Variants in AP4S1 observed in about 807,000 individuals in gnomAD.
The protein encoded by AP4S1 is AP-4 complex subunit sigma-1.
A neutral mutation model predicts 19.8 loss-of-function variants in AP4S1; 23 were observed. The observed-to-expected ratio is 1.16, with a 90% confidence interval of 0.84 to 1.65. AP4S1 has a LOEUF of 1.65. Among genes scored for constraint, AP4S1 ranks in the 40% most tolerant of loss-of-function variants. The pLI is 0.00. For synonymous variants in AP4S1, 46 were observed against 54.1 expected (o/e 0.85, Z 0.66); for missense variants, 166 against 172.8 (o/e 0.96, Z 0.22).
chr14:31,083,053 G>A (rs1241331156), intron 5 of AP4S1, among the ~76,000 whole-genome samples: 1 of 152,170 alleles, frequency 6.6e-6, no homozygotes, highest in East Asian at 1.9e-4. Flanking sequence ...TGAATCAGAG[G>A]TGAAGGGATA....
intron 4 of AP4S1, among the ~76,000 whole-genome samples, chr14:31,077,861 G>A (rs1475711499): frequency 2.7e-5 from 4 of 149,944 alleles, no homozygotes; most frequent in African/African-American, 7.4e-5. Context: ...TCAACCTCCC[G>A]AGTAGCTGGG....
chr14:31,080,517 A>C (rs1026474423), intron 4 of AP4S1, 56 bp from the exon 5 acceptor site: 1 of 1,428,960 alleles, frequency 7.0e-7, no homozygotes, highest in Non-Finnish European at 9.9e-7. Flanking sequence ...CTCTGCTAAG[A>C]GCAGTGGTCC....
chr14:31,039,422 T>C (rs1884966972), intron 1 of AP4S1, among the ~76,000 whole-genome samples: 1 of 151,898 alleles, frequency 6.6e-6, no homozygotes, highest in Admixed American at 6.6e-5. Context: ...TGGTCTCAGG[T>C]GATCTGCCCG....
intron 1 of AP4S1, among the ~76,000 whole-genome samples, chr14:31,039,335 G>C (rs1431293396): frequency 6.6e-6 from 1 of 151,814 alleles, no homozygotes; most frequent in Non-Finnish European, 1.5e-5. Context: ...ACAGGTGTGA[G>C]CCACCATGCC....
At chr14:31,033,447 T>G (rs1267837711) in intron 1 of AP4S1, among the ~76,000 whole-genome samples, 1 of 151,680 alleles carries the variant, frequency 6.6e-6, no homozygotes, top group African/African-American at 2.4e-5. Context: ...CTCCTGACCT[T>G]GTGATCCACC....
intron 5 of AP4S1, chr14:31,085,176 A>T: frequency 1.7e-6 from 2 of 1,181,168 alleles, no homozygotes; most frequent in Non-Finnish European, 2.1e-6. Flanking sequence ...GATGCCCACC[A>T]GCCCTCACTA....
At chr14:31,026,383 C>G (rs555931926) in intron 1 of AP4S1, 34 of 238,162 alleles carry the variant, frequency 1.4e-4, no homozygotes, top group African/African-American at 7.6e-4. Context: ...TCCATCTGCC[C>G]GTCTCACTCA....
In AP4S1 at chr14:31,025,655, A is replaced by C; in HGVS notation, c.-204A>C. ...GAGCCCCCGCAGACGCCATACTAAAAGCCAAAATGGCTGCCCCGAGGAGGC... is the reference window on the plus strand; with the variant it reads ...GAGCCCCCGCAGACGCCATACTAAACGCCAAAATGGCTGCCCCGAGGAGGC... On this transcript the variant is annotated 5_prime_UTR_variant, in exon 1 of 6. Coordinates refer to ENST00000542754, the MANE Select transcript of AP4S1 (RefSeq NM_001128126.3). 1 of 581,170 alleles carries C rather than the reference A, an allele frequency of 1.7e-6. No individual in the cohort carries two copies. The highest frequency in any genetic ancestry group is 2.9e-6 in the Non-Finnish European group (1 of 342,580). 36.0% of individuals were successfully genotyped at this position (581,170 alleles called of 1,614,324 possible). A position where few individuals can be genotyped will look rare whatever the true frequency, so the allele number is the denominator to read the frequency against.
At chr14:31,044,859 G>A (rs1284486121) in intron 1 of AP4S1, among the ~76,000 whole-genome samples, 3 of 151,842 alleles carry the variant, frequency 2.0e-5, no homozygotes, top group African/African-American at 7.3e-5. Flanking sequence ...AGGTTTGGGG[G>A]CAGACATGAC....
intron 4 of AP4S1, 98 bp downstream of exon 4, chr14:31,073,071 G>T (rs1343388527): frequency 1.0e-6 from 1 of 1,001,822 alleles, no homozygotes; most frequent in South Asian, 1.3e-5. Flanking sequence ...TTAATACAGA[G>T]TTTTAATAAG....
chr14:31,060,129 C>T (rs975033241), intron 1 of AP4S1, among the ~76,000 whole-genome samples: 1 of 150,840 alleles, frequency 6.6e-6, no homozygotes, highest in African/African-American at 2.4e-5. Context: ...CTAGTTGCAG[C>T]AAGGAAATAA....
In AP4S1 at chr14:31,025,716, C is replaced by T; in HGVS notation, c.-143C>T. The T allele has an allele frequency of 1.2e-6, 1 of 839,738 alleles. No homozygotes were observed. The highest frequency in any genetic ancestry group is 1.8e-6 in the Non-Finnish European group (1 of 561,308). 52.0% of individuals were successfully genotyped at this position (839,738 alleles called of 1,614,324 possible). A position where few individuals can be genotyped will look rare whatever the true frequency, so the allele number is the denominator to read the frequency against. ...TAGCCAGTGAAGGTTGGGGAGCAAGCTTATGCGGGAAAGAGGGAGGGGGAC... is the reference window on the plus strand; with the variant it reads ...TAGCCAGTGAAGGTTGGGGAGCAAGTTTATGCGGGAAAGAGGGAGGGGGAC... On this transcript the variant is annotated 5_prime_UTR_variant, in exon 1 of 6. Coordinates refer to ENST00000542754, the MANE Select transcript of AP4S1 (RefSeq NM_001128126.3).
chr14:31,063,851 A>G (rs772958647), intron 1 of AP4S1, among the ~76,000 whole-genome samples: 5 of 152,242 alleles, frequency 3.3e-5, no homozygotes, highest in Non-Finnish European at 5.9e-5. Context: ...AACAATGGCC[A>G]TCTTTGCAAC....
rs1164470913 is a variant in AP4S1 at position 31,096,128 on chromosome 14, TGTCTCTGTACAG to T, written c.*3096_*3107del. 2 of 147,574 alleles carry T rather than the reference TGTCTCTGTACAG, an allele frequency of 1.4e-5. No homozygotes were observed. The highest frequency in any genetic ancestry group is 5.0e-5 in the African/African-American group (2 of 39,884). The allele number at this position is 147,574 out of a possible 1,614,324, so 9.1% of individuals were successfully genotyped here. ...AAAAAAAAAGTAGAAAGCAAGAAAG[TGTCTCTGTACAG>T]GTAGGCATGAAATGAATCCTTCTCT... On this transcript the variant is annotated 3_prime_UTR_variant, in exon 6 of 6. Transcript: ENST00000542754.
At chr14:31,032,540 A>G (rs1181935306) in intron 1 of AP4S1, among the ~76,000 whole-genome samples, 1 of 76,596 alleles carries the variant, frequency 1.3e-5, no homozygotes, top group Non-Finnish European at 2.4e-5. Flanking sequence ...TTTTTTTTTG[A>G]GATGAAGTCT....
chr14:31,048,072 A>C (rs1050253332), intron 1 of AP4S1, among the ~76,000 whole-genome samples: 1 of 151,844 alleles, frequency 6.6e-6, no homozygotes, highest in African/African-American at 2.4e-5. Flanking sequence ...TGTGACATAA[A>C]AGTATAAATA....
In AP4S1 at chr14:31,053,069, T is replaced by A. The variant is rs112934642; in HGVS notation, c.-71-13057T>A. 9.2e-3 allele frequency among the ~76,000 whole-genome samples: 1,392 copies of A among 151,322 alleles called. 18 individuals are homozygous for A. The highest frequency in any genetic ancestry group is 0.032 in the African/African-American group (1,315 of 41,244). On this transcript the variant is annotated intron_variant, in intron 1 of 5. Transcript: ENST00000542754. The stretch of plus-strand genomic sequence containing the variant: ...GATTCTCATGCCTTAGCCTCCCAAG[T>A]AGCTGGGATTATAGGCACCCACCAC...
intron 5 of AP4S1, among the ~76,000 whole-genome samples, chr14:31,082,235 A>G (rs1887674145): frequency 2.6e-5 from 4 of 152,168 alleles, no homozygotes; most frequent in Admixed American, 6.5e-5. Context: ...AGAAGGGACT[A>G]TAGATCCCTT....
chr14:31,049,977 A>G (rs751628150), intron 1 of AP4S1, among the ~76,000 whole-genome samples: 1 of 152,152 alleles, frequency 6.6e-6, no homozygotes, highest in Non-Finnish European at 1.5e-5. Context: ...ACTGGAGTGC[A>G]GTGGCATGAT....
Sources: gnomAD v4.1 joint callset for allele counts (sites outside exome capture counted in the v4.1 genomes callset) on GRCh38, gnomAD v4.1.1 for gene constraint, MANE v1.5 for transcripts, NCBI Gene and HGNC (gene_info 2026-07-23, HGNC 2026-07-21) for gene names.